MTUS1: variants seen among roughly 807,000 people sequenced by gnomAD.
MTUS1 encodes microtubule associated scaffold protein 1.
MTUS1 carries 109 observed loss-of-function variants against 120.8 expected under a neutral mutation model. The ratio of observed to expected loss-of-function variants is 0.90; its 90% CI spans 0.77 to 1.06. The LOEUF (loss-of-function observed/expected upper bound fraction) is 1.06. MTUS1 is among the 50% of genes least tolerant of loss of function. MTUS1 has a pLI of 0.00. For missense variants in MTUS1, 2,210 were observed against 1,486.3 expected (o/e 1.49, Z -8.01); for synonymous variants, 737 against 550.5 (o/e 1.34, Z -4.74).
At chr8:17,768,765 G>A (rs1292098015) in intron 1 of MTUS1, among the ~76,000 whole-genome samples, 1 of 152,098 alleles carries the variant, frequency 6.6e-6, no homozygotes, top group East Asian at 1.9e-4. Flanking sequence ...CACCAGCAGA[G>A]AAGAGAGAGT....
intron 7 of MTUS1, 136 bp from the exon 8 acceptor site, chr8:17,675,388 G>T (rs1812892250): frequency 1.5e-5 from 10 of 653,674 alleles, no homozygotes; most frequent in African/African-American, 5.5e-5. Flanking sequence ...AACAATTTGT[G>T]TTGTTAAAAG....
rs111751425 is a variant in MTUS1 at position 17,744,641 on chromosome 8, T to C, written c.2092-842A>G. On this transcript the variant is annotated intron_variant, in intron 2 of 14. Transcript: ENST00000693296. ...ATTTTTGTAGCTAAGTTTTGTATTT[T>C]TTTTTTGGCATTTTATTTTTAGTGG... is the stretch of plus-strand genomic sequence containing the variant. Among the ~76,000 whole-genome samples the C allele has an allele frequency of 2.3e-4, 35 of 151,778 alleles. 1 individual carries two copies. Among genetic ancestry groups the C allele is most frequent in the African/African-American group, 8.4e-4 (35 of 41,478 alleles).
At chr8:17,756,036 A>T in intron 1 of MTUS1, 75 bp from the exon 2 acceptor site, 1 of 859,106 alleles carries the variant, frequency 1.2e-6, no homozygotes, top group Non-Finnish European at 1.6e-6. Context: ...TCAATCACTA[A>T]GTGATTAGTT....
At chr8:17,771,908 A>G (rs183400219) in intron 1 of MTUS1, among the ~76,000 whole-genome samples, 2 of 152,360 alleles carry the variant, frequency 1.3e-5, no homozygotes, top group Admixed American at 6.5e-5. Context: ...TGTCTACTGC[A>G]TAACTCTATG....
intron 2 of MTUS1, among the ~76,000 whole-genome samples, chr8:17,753,288 A>G (rs1376181015): frequency 6.6e-6 from 1 of 152,186 alleles, no homozygotes; most frequent in Non-Finnish European, 1.5e-5. Flanking sequence ...GCAAGAGTCC[A>G]GGAGTTATTT....
intron 8 of MTUS1, among the ~76,000 whole-genome samples, chr8:17,663,290 A>G (rs574424637): frequency 9.4e-4 from 143 of 152,268 alleles, no homozygotes; most frequent in African/African-American, 3.2e-3. Context: ...TATTATTTCC[A>G]TCTCACAGAG....
At chr8:17,756,671 A>AACCCCCCCCCCC (rs2048636698) in intron 1 of MTUS1, among the ~76,000 whole-genome samples, 8 of 117,480 alleles carry the variant, frequency 6.8e-5, no homozygotes, top group South Asian at 3.9e-4. Flanking sequence ...TCAAGCCCAA[A>AACCCCCCCCCCC]CCCCCACCCC....
At chr8:17,675,731 A>G (rs1323580349) in intron 7 of MTUS1, among the ~76,000 whole-genome samples, 2 of 152,238 alleles carry the variant, frequency 1.3e-5, no homozygotes, top group African/African-American at 2.4e-5. Context: ...AGAAAGACAA[A>G]AAGTTTGTTA....
At chr8:17,748,874 T>C (rs1465760124) in intron 2 of MTUS1, among the ~76,000 whole-genome samples, 3 of 152,222 alleles carry the variant, frequency 2.0e-5, no homozygotes, top group Non-Finnish European at 4.4e-5. Context: ...GTATAATACA[T>C]AGTATGCACC....
intron 6 of MTUS1, among the ~76,000 whole-genome samples, chr8:17,694,340 A>C (rs1042979476): frequency 2.0e-5 from 3 of 152,174 alleles, no homozygotes; most frequent in Admixed American, 2.0e-4. Flanking sequence ...CAACCAATTG[A>C]TTGTGGATAA....
intron 8 of MTUS1, among the ~76,000 whole-genome samples, chr8:17,657,038 GAC>G (rs1280239149): frequency 1.1e-4 from 13 of 117,470 alleles, no homozygotes; most frequent in Non-Finnish European, 1.8e-4. Flanking sequence ...CAGCCTGGGC[GAC>G]AGAGTGAGAT....
At chr8:17,655,318 A>G (rs1468723062) in intron 9 of MTUS1, among the ~76,000 whole-genome samples, 1 of 152,108 alleles carries the variant, frequency 6.6e-6, no homozygotes, top group East Asian at 1.9e-4. Flanking sequence ...ATGCAAAACA[A>G]TAGTTTGGCA....
At chr8:17,691,398 G>A (rs1477583124) in intron 6 of MTUS1, 1 of 152,220 alleles carries the variant, frequency 6.6e-6, no homozygotes, top group Non-Finnish European at 1.5e-5. Context: ...TCACGGCAAA[G>A]CTACAGCTCT....
chr8:17,740,274 C>A (rs1360283973), intron 3 of MTUS1, among the ~76,000 whole-genome samples: 1 of 152,004 alleles, frequency 6.6e-6, no homozygotes, highest in Non-Finnish European at 1.5e-5. Flanking sequence ...AATTCCTTCT[C>A]ACATTCATTT....
intron 4 of MTUS1, chr8:17,721,780 G>A (rs1563266150): frequency 6.2e-7 from 1 of 1,614,152 alleles, no homozygotes; most frequent in Non-Finnish European, 8.5e-7. Context: ...GACCAGCAGT[G>A]TCAATAAGGT....
chr8:17,778,073 T>G (rs1259042796), intron 1 of MTUS1, among the ~76,000 whole-genome samples: 1 of 152,216 alleles, frequency 6.6e-6, no homozygotes, highest in Non-Finnish European at 1.5e-5. Flanking sequence ...ATCTTGCCTG[T>G]GTTATTAAAC....
chr8:17,770,596 C>CACCAG (rs1455223547), intron 1 of MTUS1: 2 of 152,228 alleles, frequency 1.3e-5, no homozygotes, highest in Non-Finnish European at 2.9e-5. Flanking sequence ...GAAATACAAA[C>CACCAG]ACCAGACCGT....
intron 8 of MTUS1, chr8:17,674,915 A>G (rs1812771424): frequency 8.1e-7 from 1 of 1,240,866 alleles, no homozygotes. Context: ...TTACAAAAAT[A>G]ACTCTGTCCC....
At chr8:17,670,398 C>T (rs1158099101) in intron 8 of MTUS1, among the ~76,000 whole-genome samples, 3 of 152,162 alleles carry the variant, frequency 2.0e-5, no homozygotes, top group African/African-American at 7.2e-5. Context: ...TATACTATGA[C>T]ACTATTTAAG....
Sources: allele counts gnomAD v4.1 joint callset (sites outside exome capture counted in the v4.1 genomes callset), GRCh38; gene constraint gnomAD v4.1.1; transcripts MANE v1.5; gene names NCBI Gene and HGNC (gene_info 2026-07-23, HGNC 2026-07-21).